Variants in FRAS1 observed in about 807,000 individuals in gnomAD.
FRAS1 encodes Fraser extracellular matrix complex subunit 1.
FRAS1 carries 290 observed loss-of-function variants against 435.2 expected under a neutral mutation model. That is an observed-to-expected ratio of 0.67 (90% CI 0.61 to 0.73). The LOEUF (loss-of-function observed/expected upper bound fraction) is 0.73. FRAS1 is among the 30% of genes least tolerant of loss of function. The pLI is 0.00. For synonymous variants in FRAS1, 1,800 were observed against 1,851.0 expected, an observed-to-expected ratio of 0.97 and a Z score of 0.71; for missense variants, 4,860 against 5,001.5, an observed-to-expected ratio of 0.97 and a Z score of 0.85.
rs373376573 is a variant in FRAS1 at position 78,508,883 on chromosome 4, C to T, written c.9657C>T (p.Ala3219=). The T allele has an allele frequency of 7.1e-5, 114 of 1,613,734 alleles. No individual in the cohort carries two copies. The African/African-American group carries it at 1.0e-3, about 14-fold the overall frequency. Residue 3219 remains alanine, a synonymous_variant, in exon 63 of 74, where the codon GCC becomes GCT. Coordinates refer to ENST00000512123, the MANE Select transcript of FRAS1 (RefSeq NM_025074.7). Reference sequence around the variant, plus strand: ...TCATGAAGGAGCGCTGCAGTGAGGCCGGCATCAACCAGACATCTGTGCAGT... The same window carrying T: ...TCATGAAGGAGCGCTGCAGTGAGGCTGGCATCAACCAGACATCTGTGCAGT... ...YAVMKERCSE[A]GINQTSVQFS...
At chr4:78,164,701 A>G (rs964953850) in intron 2 of FRAS1, among the ~76,000 whole-genome samples, 1 of 152,184 alleles carries the variant, frequency 6.6e-6, no homozygotes, top group Non-Finnish European at 1.5e-5. Flanking sequence ...GGTACAACTT[A>G]GTTAATATCT....
chr4:78,248,210 G>T (rs1447523724), intron 4 of FRAS1, among the ~76,000 whole-genome samples: 1 of 152,158 alleles, frequency 6.6e-6, no homozygotes, highest in Non-Finnish European at 1.5e-5. Flanking sequence ...GGATTTGGGG[G>T]ATCATTTCAT....
At chr4:78,123,146 T>A (rs576483249) in intron 2 of FRAS1, among the ~76,000 whole-genome samples, 2 of 152,348 alleles carry the variant, frequency 1.3e-5, no homozygotes, top group African/African-American at 4.8e-5. Flanking sequence ...GTTCAGTTGA[T>A]TTTTGTATAA....
In FRAS1 at chr4:78,543,494, G is replaced by A. The variant is rs116617672; in HGVS notation, c.*2370G>A. ...GAGCCCCAGAGTGCTCCCAGCAACC[G>A]CCACGTACAAGGTCTGAAATGACAA... On this transcript the variant is annotated 3_prime_UTR_variant, in exon 74 of 74. Coordinates refer to ENST00000512123, the MANE Select transcript of FRAS1 (RefSeq NM_025074.7). 1,001 of 152,312 alleles carry A rather than the reference G, an allele frequency of 6.6e-3. 15 individuals are homozygous for A. Among genetic ancestry groups the A allele is most frequent in the African/African-American group, 0.022 (928 of 41,556 alleles). 9.4% of individuals were successfully genotyped at this position (152,312 alleles called of 1,614,324 possible).
chr4:78,115,132 T>A (rs1302094506), intron 2 of FRAS1, among the ~76,000 whole-genome samples: 1 of 151,438 alleles, frequency 6.6e-6, no homozygotes, highest in Non-Finnish European at 1.5e-5. Context: ...AGATTACGTT[T>A]ATTGATTTTT....
At chr4:78,306,915 C>T (rs1560642510) in intron 14 of FRAS1, among the ~76,000 whole-genome samples, 1 of 152,216 alleles carries the variant, frequency 6.6e-6, no homozygotes, top group South Asian at 2.1e-4. Context: ...TGAGGAACTG[C>T]GTTCCTTTGG....
At chr4:78,154,266 GTC>G (rs1376910070) in intron 2 of FRAS1, among the ~76,000 whole-genome samples, 1 of 152,164 alleles carries the variant, frequency 6.6e-6, no homozygotes, top group Non-Finnish European at 1.5e-5. Flanking sequence ...GTTACCTACA[GTC>G]TCTGTTGATC....
chr4:78,359,947 A>C (rs1731011602), intron 20 of FRAS1, among the ~76,000 whole-genome samples: 1 of 152,188 alleles, frequency 6.6e-6, no homozygotes, highest in Admixed American at 6.5e-5. Flanking sequence ...AGAGGCCCTG[A>C]GTAATTTCAG....
rs527773275 is a variant in FRAS1 at position 78,477,238 on chromosome 4, T to C, written c.7852-577T>C. 4.6e-5 allele frequency among the ~76,000 whole-genome samples: 7 copies of C among 152,358 alleles called. No individual in the cohort carries two copies. In the South Asian group the frequency reaches 1.4e-3, roughly 32 times the overall value. ...TTTAATTGTGTAAGTAATATGGTGA[T>C]ACTAATGATAATATCTTATGTTTGT... On this transcript the variant is annotated intron_variant, in intron 54 of 73. Transcript: ENST00000512123.
chr4:78,475,646 G>A (rs1560748736), intron 54 of FRAS1, 40 bp downstream of exon 54: 2 of 1,485,658 alleles, frequency 1.3e-6, no homozygotes, highest in Non-Finnish European at 9.0e-7. Flanking sequence ...TCCAGCAAGG[G>A]CTGTGACATG....
intron 18 of FRAS1, among the ~76,000 whole-genome samples, chr4:78,324,642 G>A (rs1449401143): frequency 6.7e-6 from 1 of 150,094 alleles, no homozygotes; most frequent in African/African-American, 2.5e-5. Flanking sequence ...GGGATCCTGG[G>A]TTCTAATATA....
intron 14 of FRAS1, among the ~76,000 whole-genome samples, chr4:78,294,509 T>C (rs1315166394): frequency 6.6e-6 from 1 of 152,134 alleles, no homozygotes; most frequent in African/African-American, 2.4e-5. Context: ...GGGCAGGAAA[T>C]AGAAGAGATA....
chr4:78,364,048 T>A lies in FRAS1; in HGVS notation c.2716T>A (p.Cys906Ser). 1 of 1,583,568 alleles carries A rather than the reference T, an allele frequency of 6.3e-7. No individual in the cohort carries two copies. The highest frequency in any genetic ancestry group is 8.6e-7 in the Non-Finnish European group (1 of 1,164,030). ...GCACTATCTTGATGACAATCATGTT[T>A]GCCAGCGTAGGTTTTTCCAATGAAC... ...PGHYLDDNHVCQPCNTHCGSC... is the reference protein window; with the variant it reads ...PGHYLDDNHVSQPCNTHCGSC... Residue 906 changes from cysteine to serine, a missense_variant, in exon 22 of 74, where the codon TGC becomes AGC. Physicochemically the swap from Cys to Ser is moderately radical, Grantham distance 112. Coordinates refer to ENST00000512123, the MANE Select transcript of FRAS1 (RefSeq NM_025074.7).
At chr4:78,407,937 A>C in intron 31 of FRAS1, 96 bp downstream of exon 31, 1 of 1,071,738 alleles carries the variant, frequency 9.3e-7, no homozygotes, top group East Asian at 2.7e-5. Context: ...TGCAGTTGAC[A>C]GGAAATCACA....
At chr4:78,325,402 T>TA (rs1439730270) in intron 18 of FRAS1, among the ~76,000 whole-genome samples, 4 of 152,320 alleles carry the variant, frequency 2.6e-5, no homozygotes, top group East Asian at 1.9e-4. Context: ...GAGTTTTAAT[T>TA]AAAAAAATAC....
In FRAS1 at chr4:78,308,179, G is replaced by A; in HGVS notation, c.1648G>A (p.Gly550Ser). Reference protein sequence around the residue: ...DGGCESSCGKGFYNRQGTCSA... With the variant: ...DGGCESSCGKSFYNRQGTCSA... ...CGGCTGTGAGAGCAGCTGTGGAAAA[G>A]GCTTCTACAACAGGCAGGGCACCTG... The change falls in exon 15 of 74, where the codon GGC becomes AGC. Residue 550 changes from glycine to serine, a missense_variant. Transcript: ENST00000512123. 1 of 1,613,960 alleles carries A rather than the reference G, an allele frequency of 6.2e-7. No homozygotes were observed. Among genetic ancestry groups the A allele is most frequent in the Non-Finnish European group, 8.5e-7 (1 of 1,179,870 alleles).
At chr4:78,192,726 C>T (rs962869652) in intron 2 of FRAS1, among the ~76,000 whole-genome samples, 2 of 152,246 alleles carry the variant, frequency 1.3e-5, no homozygotes, top group South Asian at 4.2e-4. Context: ...AAAACCAGCT[C>T]CTGGATTCAT....
chr4:78,268,839 G>A (rs1726504263), intron 9 of FRAS1, among the ~76,000 whole-genome samples: 1 of 152,180 alleles, frequency 6.6e-6, no homozygotes, highest in South Asian at 2.1e-4. Context: ...CTGCCAAAGT[G>A]GAGAGCACTT....
At chr4:78,101,881 GGA>G (rs1560521828) in intron 2 of FRAS1, among the ~76,000 whole-genome samples, 4 of 152,126 alleles carry the variant, frequency 2.6e-5, no homozygotes, top group African/African-American at 9.7e-5. Context: ...TGACAGTCAC[GGA>G]GTGCAGGTTT....
Sources: gnomAD v4.1 joint callset for allele counts (sites outside exome capture counted in the v4.1 genomes callset) on GRCh38, gnomAD v4.1.1 for gene constraint, MANE v1.5 for transcripts, NCBI Gene and HGNC (gene_info 2026-07-23, HGNC 2026-07-21) for gene names.